The following CALN1 variants were observed in gnomAD, a reference collection of about 807,000 sequenced individuals.
CALN1 encodes calneuron 1, also known as calcium-binding protein 8.
Under a neutral mutation model 30.6 loss-of-function variants are expected in CALN1, and 17 were observed. The observed-to-expected ratio is 0.56, with a 90% CI of 0.38 to 0.83. CALN1 has a LOEUF of 0.83. CALN1 is among the 40% of genes least tolerant of loss of function. The pLI is 0.00. For missense variants in CALN1, 291 were observed against 354.9 expected (o/e 0.82, Z 1.45); for synonymous variants, 156 against 131.4 (o/e 1.19, Z -1.28).
chr7:72,257,171 A>C (rs1795971703), intron 3 of CALN1, among the ~76,000 whole-genome samples: 1 of 152,150 alleles, frequency 6.6e-6, no homozygotes, highest in South Asian at 2.1e-4. Flanking sequence ...CAAAACCATC[A>C]AATCTCGTGA....
intron 5 of CALN1, among the ~76,000 whole-genome samples, chr7:71,814,276 C>T (rs1474491123): frequency 2.6e-5 from 4 of 152,104 alleles, no homozygotes; most frequent in Non-Finnish European, 5.9e-5. Context: ...TGGTCCACCA[C>T]CATATGTCAA....
At chr7:72,088,716 A>G (rs1293373307) in intron 4 of CALN1, among the ~76,000 whole-genome samples, 2 of 145,392 alleles carry the variant, frequency 1.4e-5, no homozygotes, top group African/African-American at 5.6e-5. Context: ...AAAAAAAAAA[A>G]AAGAAAGAAG....
Position 72,287,476 on chromosome 7 carries a change from C to T in CALN1, c.120-8666G>A, listed in dbSNP as rs1343930061. Among the ~76,000 whole-genome samples, 17 of 115,742 alleles carry T rather than the reference C, an allele frequency of 1.5e-4. No homozygotes were observed. The East Asian group carries it at 3.1e-3, about 21-fold the overall frequency. 75.9% of individuals were successfully genotyped at this position (115,742 alleles called of 152,430 possible). A position where few individuals can be genotyped will look rare whatever the true frequency, so the allele number is the denominator to read the frequency against. On this transcript the variant is annotated intron_variant, in intron 2 of 6. Transcript: ENST00000395275. ...TTTTTTTTTTTTTGAGACAGAGTCT[C>T]GGCTCTGTCACCCAGGCTGGAGTGC...
intron 2 of CALN1, among the ~76,000 whole-genome samples, chr7:72,354,387 G>C (rs1803105553): frequency 6.6e-6 from 1 of 152,162 alleles, no homozygotes; most frequent in African/African-American, 2.4e-5. Flanking sequence ...TCTCCAAATT[G>C]ATCTACAGGT....
chr7:72,143,285 C>T (rs572394532), intron 3 of CALN1, among the ~76,000 whole-genome samples: 1 of 152,146 alleles, frequency 6.6e-6, no homozygotes, highest in Non-Finnish European at 1.5e-5. Flanking sequence ...CTTAAAGGAC[C>T]TGATGGAGCT....
At chr7:72,294,777 TAAA>T (rs1798738432) in intron 2 of CALN1, among the ~76,000 whole-genome samples, 1 of 151,268 alleles carries the variant, frequency 6.6e-6, no homozygotes, top group Non-Finnish European at 1.5e-5. Context: ...AATAAATAAA[TAAA>T]TACAGATTTT....
At chr7:72,304,060 C>T (rs1332562601) in intron 2 of CALN1, among the ~76,000 whole-genome samples, 1 of 152,114 alleles carries the variant, frequency 6.6e-6, no homozygotes, top group Admixed American at 6.5e-5. Context: ...GTCAGTAATA[C>T]AGAAGACAAG....
intron 3 of CALN1, among the ~76,000 whole-genome samples, chr7:72,255,665 C>T (rs1249073556): frequency 1.3e-5 from 2 of 151,846 alleles, no homozygotes; most frequent in South Asian, 4.2e-4. Flanking sequence ...ACCCACTGGC[C>T]TCAGCCTCCC....
At chr7:72,282,400 C>T (rs1440414879) in intron 2 of CALN1, among the ~76,000 whole-genome samples, 4 of 152,136 alleles carry the variant, frequency 2.6e-5, no homozygotes, top group African/African-American at 9.7e-5. Flanking sequence ...AATGTGTCCC[C>T]CAGTAATTCA....
chr7:72,073,829 G>T (rs1449534586), intron 4 of CALN1, among the ~76,000 whole-genome samples: 1 of 152,092 alleles, frequency 6.6e-6, no homozygotes, highest in Non-Finnish European at 1.5e-5. Context: ...GAGTAGCTGG[G>T]ACTACCTGTG....
the CALN1 span, among the ~76,000 whole-genome samples, chr7:72,477,592 T>A: frequency 1.3e-5 from 2 of 152,106 alleles, no homozygotes; most frequent in Non-Finnish European, 2.9e-5. Context: ...TAACTTTTTG[T>A]TGTTGTTTTT....
At chr7:72,243,133 T>C (rs983264353) in intron 3 of CALN1, among the ~76,000 whole-genome samples, 5 of 152,062 alleles carry the variant, frequency 3.3e-5, no homozygotes, top group African/African-American at 9.7e-5. Context: ...TGAGAGGTAA[T>C]TAGGTTTAGA....
intron 5 of CALN1, among the ~76,000 whole-genome samples, chr7:71,817,857 A>C (rs112183530): frequency 0.04 from 6,076 of 151,896 alleles, 382 homozygotes; most frequent in African/African-American, 0.14. Flanking sequence ...TATAATTATA[A>C]TCTTTTTCTA....
chr7:71,866,997 T>A (rs1791622515), intron 5 of CALN1, among the ~76,000 whole-genome samples: 1 of 151,620 alleles, frequency 6.6e-6, no homozygotes. Flanking sequence ...ATACAAAAAT[T>A]AGCCAGGGGT....
intron 4 of CALN1, among the ~76,000 whole-genome samples, chr7:72,024,966 T>C (rs879364987): frequency 2.6e-5 from 4 of 152,178 alleles, no homozygotes; most frequent in African/African-American, 9.7e-5. Context: ...TGGTCGAACT[T>C]TTTTTCTCTC....
At chr7:71,853,689 C>T (rs1345311640) in intron 5 of CALN1, among the ~76,000 whole-genome samples, 3 of 152,124 alleles carry the variant, frequency 2.0e-5, no homozygotes, top group African/African-American at 7.2e-5. Flanking sequence ...AAGCAATTCT[C>T]CTGCCTCAGC....
At chr7:72,359,338 G>A (rs1217219696) in intron 2 of CALN1, among the ~76,000 whole-genome samples, 1 of 151,942 alleles carries the variant, frequency 6.6e-6, no homozygotes, top group African/African-American at 2.4e-5. Context: ...CTCCCTCCCC[G>A]TTTCGTCTTC....
At chr7:72,380,594 C>T (rs1301854092) in intron 2 of CALN1, among the ~76,000 whole-genome samples, 1 of 152,076 alleles carries the variant, frequency 6.6e-6, no homozygotes, top group Non-Finnish European at 1.5e-5. Flanking sequence ...TTTTCAGTTC[C>T]CTGCAAGCTT....
At chr7:71,811,737 G>A (rs35148861) in intron 5 of CALN1, among the ~76,000 whole-genome samples, 24,502 of 149,734 alleles carry the variant, frequency 0.16, 2,937 homozygotes, top group East Asian at 0.6. Flanking sequence ...GGAGTGCAGT[G>A]GCGCGATCTC....
Sources: gnomAD v4.1 joint callset for allele counts (sites outside exome capture counted in the v4.1 genomes callset) on GRCh38, gnomAD v4.1.1 for gene constraint, MANE v1.5 for transcripts, NCBI Gene and HGNC (gene_info 2026-07-23, HGNC 2026-07-21) for gene names.